Variants in SNX29 observed in about 807,000 individuals in gnomAD.
SNX29 encodes the protein sorting nexin 29, also known as sorting nexin-29.
In SNX29, 78 loss-of-function variants were observed where a neutral mutation model predicts 102.1. That is an observed-to-expected ratio of 0.76 (90% confidence interval 0.64 to 0.92). The LOEUF (loss-of-function observed/expected upper bound fraction) is 0.92, where lower values mean the gene tolerates loss of function less well. Among genes scored for constraint, SNX29 ranks in the 40% least tolerant of loss-of-function variants. The pLI is 0.00. For synonymous variants in SNX29, 580 were observed against 414.5 expected, an observed-to-expected ratio of 1.40 and a Z score of -4.85; for missense variants, 1,280 against 1,061.7, an observed-to-expected ratio of 1.21 and a Z score of -2.86.
chr16:12,187,065 C>T (rs1324403894), intron 13 of SNX29, among the ~76,000 whole-genome samples: 2 of 152,240 alleles, frequency 1.3e-5, no homozygotes, highest in Non-Finnish European at 2.9e-5. Context: ...ATCCGGACTT[C>T]CACCTGCTCT....
intron 16 of SNX29, among the ~76,000 whole-genome samples, chr16:12,377,648 C>G (rs2082926698): frequency 6.6e-6 from 1 of 152,112 alleles, no homozygotes; most frequent in Non-Finnish European, 1.5e-5. Context: ...AGGCAATCAA[C>G]AGATAGTAGT....
intron 14 of SNX29, among the ~76,000 whole-genome samples, chr16:12,225,755 C>G (rs1011819276): frequency 4.6e-5 from 7 of 152,264 alleles, no homozygotes; most frequent in Middle Eastern, 3.4e-3. Context: ...AGGGATTTGA[C>G]CAGATCTCAG....
At chr16:12,432,600 C>T (rs11643639) in intron 18 of SNX29, among the ~76,000 whole-genome samples, 62,656 of 152,110 alleles carry the variant, frequency 0.41, 13,225 homozygotes, top group Non-Finnish European at 0.46. Context: ...AGAGCAGCAA[C>T]GCCACACACG....
chr16:12,365,894 T>A (rs1350534102), intron 16 of SNX29, among the ~76,000 whole-genome samples: 1 of 151,102 alleles, frequency 6.6e-6, no homozygotes, highest in Non-Finnish European at 1.5e-5. Context: ...TACAAAAAAT[T>A]AGCCATGCGT....
In SNX29 at chr16:12,273,284, A is replaced by G. The variant is rs112432377; in HGVS notation, c.1679-4649A>G. 1.2e-3 allele frequency among the ~76,000 whole-genome samples: 184 copies of G among 151,074 alleles called. 1 individual carries two copies. The highest frequency in any genetic ancestry group is 4.3e-3 in the African/African-American group (177 of 41,252). Reference sequence around the variant, plus strand: ...ACAGCTTTCTTGAGATATAATGCACATAACATACTGTTCAGCCTTTGAGAG... The same window carrying G: ...ACAGCTTTCTTGAGATATAATGCACGTAACATACTGTTCAGCCTTTGAGAG... On this transcript the variant is annotated intron_variant, in intron 14 of 20. Coordinates refer to ENST00000566228, the MANE Select transcript of SNX29 (RefSeq NM_032167.5).
intron 16 of SNX29, among the ~76,000 whole-genome samples, chr16:12,385,050 G>A (rs1230795979): frequency 2.0e-5 from 3 of 152,196 alleles, no homozygotes; most frequent in Admixed American, 6.5e-5. Context: ...CACGCCTATA[G>A]TACTAGCTAC....
At position 12,570,788 on chromosome 16, in the gene SNX29, C is replaced by T. The variant is rs199839869; in HGVS notation, c.*2159C>T. 8.9e-6 allele frequency: 2 copies of T among 224,676 alleles called. No homozygotes were observed. The highest frequency in any genetic ancestry group is 1.8e-5 in the Non-Finnish European group (2 of 114,214). 13.9% of individuals were successfully genotyped at this position (224,676 alleles called of 1,614,324 possible). A position where few individuals can be genotyped will look rare whatever the true frequency, so the allele number is the denominator to read the frequency against. On this transcript the variant is annotated 3_prime_UTR_variant, in exon 21 of 21. Transcript: ENST00000566228. ...TGCACATGATAATAATGCAACAGTC[C>T]CCCATTGCTGAGAGATACTAACCCG...
chr16:12,552,308 A>G lies in SNX29; in HGVS notation c.2319-16198A>G, dbSNP rs542729999. ...CTGTGCCTCAGTTTCCTCTTCTAGA[A>G]GAGGTGATAATGGAACTCCTCTCCT... is the stretch of plus-strand genomic sequence containing the variant. On this transcript the variant is annotated intron_variant, in intron 20 of 20. Transcript: ENST00000566228. 2.0e-5 allele frequency among the ~76,000 whole-genome samples: 3 copies of G among 152,180 alleles called. No individual in the cohort carries two copies. The East Asian group carries it at 5.8e-4, about 29-fold the overall frequency.
intron 20 of SNX29, among the ~76,000 whole-genome samples, chr16:12,557,072 C>T (rs1174788229): frequency 4.0e-5 from 6 of 148,636 alleles, no homozygotes; most frequent in Non-Finnish European, 8.9e-5. Flanking sequence ...GCCTCAGAGT[C>T]TGCCAGGCTC....
rs201964056 is a variant in SNX29, at chr16:12,278,474, G to GA, written c.1782+448dup. ...GGACCCCCTCACCCTCAAAAGAAAA[G>GA]AAAAAAAAAACCAAAACATTTTGGA... On this transcript the variant is annotated intron_variant, in intron 15 of 20. Transcript: ENST00000566228. Among the ~76,000 whole-genome samples, 453 of 145,012 alleles carry GA rather than the reference G, an allele frequency of 3.1e-3. 1 individual carries two copies. The highest frequency in any genetic ancestry group is 0.026 in the East Asian group (132 of 4,998).
intron 19 of SNX29, among the ~76,000 whole-genome samples, chr16:12,511,411 G>A (rs191271214): frequency 1.3e-3 from 194 of 148,276 alleles, no homozygotes; most frequent in African/African-American, 4.5e-3. Context: ...AGCTGTTGCA[G>A]GGGTATGCTG....
At chr16:12,558,141 C>A (rs575917721) in intron 20 of SNX29, among the ~76,000 whole-genome samples, 2 of 152,184 alleles carry the variant, frequency 1.3e-5, no homozygotes, top group African/African-American at 4.8e-5. Context: ...AGGGATAATC[C>A]TTTCCATCCT....
chr16:12,201,341 C>T (rs2076910267), intron 14 of SNX29, among the ~76,000 whole-genome samples: 1 of 152,242 alleles, frequency 6.6e-6, no homozygotes, highest in African/African-American at 2.4e-5. Flanking sequence ...TCATTCACTA[C>T]ATTCATTACA....
intron 2 of SNX29, 61 bp from the exon 3 acceptor site, chr16:12,002,930 T>C: frequency 1.9e-6 from 3 of 1,603,352 alleles, no homozygotes; most frequent in African/African-American, 1.3e-5. Flanking sequence ...GTAGGCTGTT[T>C]TATGACGTTT....
chr16:12,188,845 C>G (rs1227513585), intron 13 of SNX29, among the ~76,000 whole-genome samples: 2 of 152,140 alleles, frequency 1.3e-5, no homozygotes, highest in African/African-American at 4.8e-5. Context: ...AATTTGAGTC[C>G]CCTGGCAGCA....
At chr16:12,448,711 G>A (rs541933120) in intron 18 of SNX29, among the ~76,000 whole-genome samples, 1 of 152,302 alleles carries the variant, frequency 6.6e-6, no homozygotes, top group Admixed American at 6.5e-5. Context: ...TGGCTGCCCA[G>A]TGCTCAGAGA....
At chr16:12,407,808 C>T (rs2084227925) in intron 18 of SNX29, among the ~76,000 whole-genome samples, 1 of 152,194 alleles carries the variant, frequency 6.6e-6, no homozygotes. Context: ...AGGGCTGAAT[C>T]AAGCTCTTTA....
chr16:12,085,616 C>G (rs575039858), intron 11 of SNX29, among the ~76,000 whole-genome samples: 1 of 152,106 alleles, frequency 6.6e-6, no homozygotes, highest in African/African-American at 2.4e-5. Context: ...CGTGAGCCAC[C>G]GTGCCCAGCC....
chr16:12,006,576 T>G (rs1393665327), intron 3 of SNX29, among the ~76,000 whole-genome samples: 1 of 151,718 alleles, frequency 6.6e-6, no homozygotes, highest in African/African-American at 2.4e-5. Context: ...TTTGCTACAT[T>G]TTATTTATGT....
Sources: gnomAD v4.1 joint callset for allele counts (sites outside exome capture counted in the v4.1 genomes callset) on GRCh38, gnomAD v4.1.1 for gene constraint, MANE v1.5 for transcripts, NCBI Gene and HGNC (gene_info 2026-07-23, HGNC 2026-07-21) for gene names.